XRRA1: variants seen among roughly 807,000 people sequenced by gnomAD.
XRRA1 encodes X-ray radiation resistance associated 1.
A neutral mutation model predicts 80.2 loss-of-function variants in XRRA1; 69 were observed. The ratio of observed to expected loss-of-function variants is 0.86; its 90% CI spans 0.71 to 1.05. XRRA1 has a LOEUF of 1.05. Ranked by LOEUF, XRRA1 falls within the 50% of genes least tolerant of loss-of-function variation. XRRA1 has a pLI of 0.00. For synonymous variants in XRRA1, 348 were observed against 389.9 expected (o/e 0.89, Z 1.27); for missense variants, 967 against 976.4 (o/e 0.99, Z 0.13).
chr11:74,884,826 TAGAA>T (rs983702491), intron 10 of XRRA1, among the ~76,000 whole-genome samples: 1 of 152,050 alleles, frequency 6.6e-6, no homozygotes, highest in Admixed American at 6.5e-5. Context: ...ATCAAAAAGT[TAGAA>T]AGATCTCAAA....
At chr11:74,854,526 A>C (rs1317451278) in intron 12 of XRRA1, among the ~76,000 whole-genome samples, 1 of 152,204 alleles carries the variant, frequency 6.6e-6, no homozygotes, top group African/African-American at 2.4e-5. Context: ...GCTTTTTTCC[A>C]ATACAATTTT....
At chr11:74,880,211 G>T (rs1416491001) in intron 10 of XRRA1, among the ~76,000 whole-genome samples, 1 of 152,146 alleles carries the variant, frequency 6.6e-6, no homozygotes, top group Non-Finnish European at 1.5e-5. Context: ...TATGTGTCCA[G>T]GAATTTATCC....
intron 10 of XRRA1, among the ~76,000 whole-genome samples, chr11:74,903,650 C>T (rs980315160): frequency 1.4e-4 from 22 of 152,092 alleles, no homozygotes; most frequent in East Asian, 7.7e-4. Context: ...TTGCAGTGAG[C>T]GGAGATCGCA....
chr11:74,855,124 G>A (rs1487446537), intron 12 of XRRA1, among the ~76,000 whole-genome samples: 1 of 152,242 alleles, frequency 6.6e-6, no homozygotes, highest in Non-Finnish European at 1.5e-5. Flanking sequence ...CACAAGGGCA[G>A]AGTTAAGTAG....
intron 10 of XRRA1, chr11:74,863,507 T>A (rs1317356394): frequency 1.3e-5 from 2 of 159,608 alleles, no homozygotes; most frequent in South Asian, 1.8e-4. Flanking sequence ...AGAAACAGAA[T>A]GTGTTGAGCC....
In XRRA1 at chr11:74,940,797, C is replaced by A. The variant is rs150846342; in HGVS notation, c.82G>T (p.Val28Leu). ...GAAGTCACCTGACCTTCCTCCGGCACGCGAAGCAGATTTCTGGCTGGGAAG... is the reference window on the plus strand; with the variant it reads ...GAAGTCACCTGACCTTCCTCCGGCAAGCGAAGCAGATTTCTGGCTGGGAAG... ...NCFPARNLLR[V>L]PEEGQGHWLV... is the part of the protein sequence containing the mutation. Residue 28 changes from valine (V) to leucine (L), a missense_variant, in exon 3 of 19, where the codon GTG becomes TTG. Val to Leu is a conservative substitution (Grantham distance 32). Transcript: ENST00000684022. The A allele has an allele frequency of 1.2e-6, 2 of 1,605,836 alleles. No individual in the cohort carries two copies. The highest frequency in any genetic ancestry group is 2.2e-5 in the East Asian group (1 of 44,650).
Position 74,858,560 on chromosome 11 carries a change from A to C in XRRA1, c.1170+598T>G, listed in dbSNP as rs577682634. Among the ~76,000 whole-genome samples the C allele has an allele frequency of 2.0e-5, 3 of 152,328 alleles. No individual in the cohort carries two copies. The East Asian group carries it at 5.8e-4, about 29-fold the overall frequency. On this transcript the variant is annotated intron_variant, in intron 12 of 18. Coordinates refer to ENST00000684022, the MANE Select transcript of XRRA1 (RefSeq NM_001378157.1). ...TAGGGCTCAGTTAGTGGGATTTTAC[A>C]GAAAACCAAACAGGACATGAACATT... is the stretch of plus-strand genomic sequence containing the variant.
intron 5 of XRRA1, among the ~76,000 whole-genome samples, chr11:74,932,138 G>A (rs1943738748): frequency 6.6e-6 from 1 of 151,896 alleles, no homozygotes; most frequent in Non-Finnish European, 1.5e-5. Flanking sequence ...ATACTTTTTG[G>A]TTATATTACT....
At chr11:74,851,020 T>G in intron 14 of XRRA1, 68 bp downstream of exon 14, 1 of 1,216,970 alleles carries the variant, frequency 8.2e-7, no homozygotes, top group Non-Finnish European at 1.1e-6. Context: ...TACAGCCAGG[T>G]TGGTTTGCAT....
chr11:74,890,165 A>G (rs542440505), intron 10 of XRRA1, among the ~76,000 whole-genome samples: 1 of 152,348 alleles, frequency 6.6e-6, no homozygotes, highest in Admixed American at 6.5e-5. Context: ...AGCACTCATC[A>G]GCAAATGTAA....
intron 10 of XRRA1, among the ~76,000 whole-genome samples, chr11:74,865,282 CTG>C (rs2043156631): frequency 1.3e-5 from 2 of 152,286 alleles, no homozygotes; most frequent in Admixed American, 1.3e-4. Context: ...ACAGCAGATC[CTG>C]TGTGGGCCCA....
At chr11:74,920,042 A>G (rs571064665) in intron 8 of XRRA1, 2 of 200,936 alleles carry the variant, frequency 1.0e-5, no homozygotes, top group South Asian at 8.2e-5. Context: ...ACACCAAGGA[A>G]AACAAAGATG....
chr11:74,921,150 T>C, intron 8 of XRRA1, 64 bp downstream of exon 8: 1 of 1,586,800 alleles, frequency 6.3e-7, no homozygotes, highest in East Asian at 2.2e-5. Flanking sequence ...CAAGCTGCTA[T>C]GGGCTATTTC....
chr11:74,921,476 T>C, intron 7 of XRRA1, 129 bp from the exon 8 acceptor site: 1 of 1,231,166 alleles, frequency 8.1e-7, no homozygotes. Context: ...GATCTCCAGA[T>C]TAATATTCAA....
intron 10 of XRRA1, among the ~76,000 whole-genome samples, chr11:74,896,797 A>T (rs1308842670): frequency 6.6e-6 from 1 of 152,216 alleles, no homozygotes; most frequent in Non-Finnish European, 1.5e-5. Flanking sequence ...TAATCCAGAG[A>T]ATTCTTCCAG....
chr11:74,882,941 G>C (rs1364911836), intron 10 of XRRA1, among the ~76,000 whole-genome samples: 1 of 152,218 alleles, frequency 6.6e-6, no homozygotes, highest in African/African-American at 2.4e-5. Context: ...ATTTAAGTCT[G>C]CAGAGGTTAC....
chr11:74,921,152 G>A, intron 8 of XRRA1, 62 bp downstream of exon 8: 2 of 1,590,552 alleles, frequency 1.3e-6, no homozygotes, highest in Non-Finnish European at 1.7e-6. Flanking sequence ...AGCTGCTATG[G>A]GCTATTTCCT....
At chr11:74,934,260 T>C (rs1301298938) in intron 4 of XRRA1, among the ~76,000 whole-genome samples, 1 of 152,258 alleles carries the variant, frequency 6.6e-6, no homozygotes, top group Non-Finnish European at 1.5e-5. Flanking sequence ...CTATGCACTT[T>C]TGACTGCCAT....
intron 16 of XRRA1, 38 bp from the exon 17 acceptor site, chr11:74,844,321 CCCT>C (rs199654451): frequency 0.015 from 22,190 of 1,483,042 alleles, 205 homozygotes; most frequent in Non-Finnish European, 0.018. Flanking sequence ...AGGCACTTCC[CCCT>C]CCTCCTCCCA....
Sources: allele counts gnomAD v4.1 joint callset (sites outside exome capture counted in the v4.1 genomes callset), GRCh38; gene constraint gnomAD v4.1.1; transcripts MANE v1.5; gene names NCBI Gene and HGNC (gene_info 2026-07-23, HGNC 2026-07-21).